The following ITGBL1 variants were observed in gnomAD, a reference collection of about 807,000 sequenced individuals.
ITGBL1 encodes integrin beta-like protein 1.
In ITGBL1, 51 loss-of-function variants were observed where a neutral mutation model predicts 68.5. That is an observed-to-expected ratio of 0.74 (90% CI 0.59 to 0.94). The LOEUF is 0.94. ITGBL1 is among the 40% of genes least tolerant of loss of function. The pLI is 0.00. For synonymous variants in ITGBL1, 209 were observed against 227.3 expected (o/e 0.92, Z 0.72); for missense variants, 649 against 647.4 (o/e 1.00, Z -0.03).
At chr13:101,536,342 C>T (rs553724006) in intron 2 of ITGBL1, among the ~76,000 whole-genome samples, 1 of 152,072 alleles carries the variant, frequency 6.6e-6, no homozygotes, top group East Asian at 1.9e-4. Flanking sequence ...TAAAAAACAA[C>T]AACTATTTTC....
chr13:101,608,197 G>A (rs1426790612), intron 7 of ITGBL1, among the ~76,000 whole-genome samples: 2 of 151,966 alleles, frequency 1.3e-5, no homozygotes, highest in East Asian at 3.8e-4. Context: ...ATTAAGAATT[G>A]TTTCAATTCC....
chr13:101,575,257 C>G (rs2050337683), intron 3 of ITGBL1, among the ~76,000 whole-genome samples, 167 bp from the exon 4 acceptor site: 1 of 152,108 alleles, frequency 6.6e-6, no homozygotes, highest in East Asian at 1.9e-4. Flanking sequence ...AAAATAACCT[C>G]AAGAAAGAGT....
intron 2 of ITGBL1, among the ~76,000 whole-genome samples, chr13:101,492,371 C>T (rs1280326010): frequency 6.6e-6 from 1 of 152,206 alleles, no homozygotes. Flanking sequence ...TTGCTATTTT[C>T]TGAGAACAGG....
At chr13:101,543,687 A>G (rs558873479) in intron 2 of ITGBL1, among the ~76,000 whole-genome samples, 10 of 152,290 alleles carry the variant, frequency 6.6e-5, no homozygotes, top group Non-Finnish European at 1.2e-4. Context: ...TGTCACTTTC[A>G]GGTACACCAA....
chr13:101,553,410 A>G (rs1365665406), intron 2 of ITGBL1, among the ~76,000 whole-genome samples: 4 of 152,168 alleles, frequency 2.6e-5, no homozygotes, highest in African/African-American at 9.7e-5. Flanking sequence ...TAATATGTCA[A>G]TGTGTGGCAG....
At chr13:101,600,965 G>A (rs2030336451) in intron 7 of ITGBL1, among the ~76,000 whole-genome samples, 1 of 152,178 alleles carries the variant, frequency 6.6e-6, no homozygotes, top group African/African-American at 2.4e-5. Context: ...AATGAGTTAG[G>A]GAGGATTCCC....
At chr13:101,564,582 A>G (rs1467117776) in intron 2 of ITGBL1, among the ~76,000 whole-genome samples, 1 of 148,600 alleles carries the variant, frequency 6.7e-6, no homozygotes, top group Non-Finnish European at 1.5e-5. Context: ...GTACATATAT[A>G]TGTATCCTGG....
At chr13:101,638,935 T>G (rs1182792025) in intron 7 of ITGBL1, among the ~76,000 whole-genome samples, 3 of 152,224 alleles carry the variant, frequency 2.0e-5, no homozygotes, top group African/African-American at 4.8e-5. Flanking sequence ...GTTGAATGTT[T>G]TACTTAACTG....
At chr13:101,604,887 T>TATATATGTATATATATATATACAC in intron 7 of ITGBL1, among the ~76,000 whole-genome samples, 330 of 22,164 alleles carry the variant, frequency 0.015, 28 homozygotes, top group Non-Finnish European at 0.022. Flanking sequence ...TATATATATA[T>TATATATGTATATATATATATACAC]ACACACACAC....
At chr13:101,529,831 A>G (rs112765648) in intron 2 of ITGBL1, among the ~76,000 whole-genome samples, 424 of 152,312 alleles carry the variant, frequency 2.8e-3, no homozygotes, top group African/African-American at 9.4e-3. Context: ...GCAGCCAAGT[A>G]GAACTGTGAG....
At chr13:101,677,500 G>A (rs548564205) in intron 7 of ITGBL1, among the ~76,000 whole-genome samples, 2 of 152,200 alleles carry the variant, frequency 1.3e-5, no homozygotes, top group African/African-American at 4.8e-5. Context: ...TTTGGAAATA[G>A]GGAGGATCAT....
At chr13:101,587,980 G>A (rs183972456) in intron 6 of ITGBL1, among the ~76,000 whole-genome samples, 1 of 152,162 alleles carries the variant, frequency 6.6e-6, no homozygotes, top group Non-Finnish European at 1.5e-5. Context: ...AAAGAAAGAA[G>A]TATCCTCTAA....
chr13:101,599,174 C>A (rs1003162524), intron 7 of ITGBL1, among the ~76,000 whole-genome samples: 3 of 151,154 alleles, frequency 2.0e-5, no homozygotes, highest in African/African-American at 4.9e-5. Context: ...ATTTGCATTT[C>A]TCTGATGGCC....
rs1202539497 is a variant in ITGBL1, at chr13:101,541,057, G to A, written c.317-26642G>A. On this transcript the variant is annotated intron_variant, in intron 2 of 10. Transcript: ENST00000376180. ...TGAATACCCTTTATTTCCTTCTCCT[G>A]CCTGATTGCCCTGGCCAGAACTTCC... Among the ~76,000 whole-genome samples the A allele has an allele frequency of 2.9e-5, 4 of 137,966 alleles. No individual in the cohort carries two copies. In the East Asian group the frequency reaches 8.2e-4, roughly 28 times the overall value. The allele number at this position is 137,966 out of a possible 152,430, so 90.5% of individuals were successfully genotyped here.
At position 101,471,102 on chromosome 13, in the gene ITGBL1, C is replaced by G. The variant is rs192106554; in HGVS notation, c.316+17002C>G. 3.4e-3 allele frequency among the ~76,000 whole-genome samples: 515 copies of G among 152,272 alleles called. 2 individuals carry two copies. The highest frequency in any genetic ancestry group is 0.012 in the African/African-American group (488 of 41,548). On this transcript the variant is annotated intron_variant, in intron 2 of 10. Coordinates refer to ENST00000376180, the MANE Select transcript of ITGBL1 (RefSeq NM_004791.3). Reference sequence around the variant, plus strand: ...ATCTCTTTTCTGAATTTTGAATTATCACATGCATTATTAATCTACCATAAT... The same window carrying G: ...ATCTCTTTTCTGAATTTTGAATTATGACATGCATTATTAATCTACCATAAT...
chr13:101,715,276 CT>C lies in ITGBL1; in HGVS notation c.1394-284del, dbSNP rs372298820. 2.0e-3 allele frequency: 648 copies of C among 324,250 alleles called. 7 individuals are homozygous for C. The highest frequency in any genetic ancestry group is 2.8e-3 in the Non-Finnish European group (480 of 174,358). 20.1% of individuals were successfully genotyped at this position (324,250 alleles called of 1,614,324 possible). A position where few individuals can be genotyped will look rare whatever the true frequency, so the allele number is the denominator to read the frequency against. ...ATTCATAAGTCAGATATAACTTGCTCTTTAAGGGAAAACAAAATTGTCACCT... is the reference window on the plus strand; with the variant it reads ...ATTCATAAGTCAGATATAACTTGCTCTTAAGGGAAAACAAAATTGTCACCT... On this transcript the variant is annotated intron_variant, in intron 10 of 10. Transcript: ENST00000376180.
intron 7 of ITGBL1, among the ~76,000 whole-genome samples, chr13:101,624,045 G>A (rs2031685125): frequency 6.6e-6 from 1 of 152,166 alleles, no homozygotes; most frequent in Admixed American, 6.6e-5. Flanking sequence ...GATTTGTACA[G>A]GATGACCTAA....
chr13:101,601,349 C>G (rs9557711), intron 7 of ITGBL1, among the ~76,000 whole-genome samples: 151,129 of 152,226 alleles, frequency 0.99, 75,024 homozygotes, highest in Middle Eastern at 1. Flanking sequence ...AGTCTTGCTA[C>G]CGGTCTATCA....
chr13:101,711,719 A>C (rs1188947127), intron 9 of ITGBL1: 1 of 152,156 alleles, frequency 6.6e-6, no homozygotes, highest in Admixed American at 6.5e-5. Flanking sequence ...CCTATGTCCT[A>C]AGATGCCCTG....
Sources: allele counts gnomAD v4.1 joint callset (sites outside exome capture counted in the v4.1 genomes callset), GRCh38; gene constraint gnomAD v4.1.1; transcripts MANE v1.5; gene names NCBI Gene and HGNC (gene_info 2026-07-23, HGNC 2026-07-21).